Variants in DAG1 observed in about 807,000 individuals in gnomAD.
The protein encoded by DAG1 is dystroglycan 1.
In DAG1, 8 loss-of-function variants were observed where a neutral mutation model predicts 46.1. The ratio of observed to expected loss-of-function variants is 0.17; its 90% CI spans 0.10 to 0.31. The LOEUF (loss-of-function observed/expected upper bound fraction) is 0.31. Ranked by LOEUF, DAG1 falls within the 10% of genes least tolerant of loss-of-function variation. The pLI, the probability that DAG1 is intolerant of heterozygous loss-of-function variation, is 1.00. For missense variants in DAG1, 1,003 were observed against 1,189.9 expected, an observed-to-expected ratio of 0.84 and a Z score of 2.31; for synonymous variants, 495 against 481.8, an observed-to-expected ratio of 1.03 and a Z score of -0.36.
chr3:49,469,004 C>T (rs963199855), upstream of DAG1: 1 of 152,102 alleles, frequency 6.6e-6, no homozygotes, highest in South Asian at 2.1e-4. Flanking sequence ...TTTCTTGTCT[C>T]TGTGAATGAG....
rs926663246 is a variant in DAG1 at position 49,534,874 on chromosome 3, G to C, written c.*1675G>C. ...ATTGAGGGTGGGTGGGTGGACCCAG[G>C]CTCCCTTTGCACACAGAGCAGCTAC... On this transcript the variant is annotated 3_prime_UTR_variant, in exon 3 of 3. Coordinates refer to ENST00000308775, the MANE Select transcript of DAG1 (RefSeq NM_004393.6). The C allele has an allele frequency of 1.3e-5, 2 of 153,896 alleles. No homozygotes were observed. Among genetic ancestry groups the C allele is most frequent in the Non-Finnish European group, 2.9e-5 (2 of 69,082 alleles). 9.5% of individuals were successfully genotyped at this position (153,896 alleles called of 1,614,324 possible). A position where few individuals can be genotyped will look rare whatever the true frequency, so the allele number is the denominator to read the frequency against.
chr3:49,520,303 T>A (rs1020932234), intron 2 of DAG1, among the ~76,000 whole-genome samples: 6 of 152,342 alleles, frequency 3.9e-5, no homozygotes, highest in African/African-American at 1.4e-4. Context: ...ACCCTGAGTG[T>A]GAGTCAGCAC....
chr3:49,501,554 G>C (rs941157027), intron 1 of DAG1, among the ~76,000 whole-genome samples: 3 of 152,216 alleles, frequency 2.0e-5, no homozygotes, highest in African/African-American at 7.2e-5. Context: ...GCTCATACCT[G>C]TAATCCCAGC....
chr3:49,530,893 G>A lies in DAG1; in HGVS notation c.382G>A (p.Val128Met). The change falls in exon 3 of 3, where the codon GTG becomes ATG. Residue 128 changes from valine to methionine, a missense_variant. Physicochemically the swap from Val to Met is conservative, Grantham distance 21 (BLOSUM62 1). Transcript: ENST00000308775. ...EGLPLDTDKG[V>M]HYISVSATRL... ...CCTCCCCCTTGACACTGATAAGGGT[G>A]TGCATTACATTTCAGTGAGCGCTAC... 1 of 1,614,162 alleles carries A rather than the reference G, an allele frequency of 6.2e-7. No individual in the cohort carries two copies. The highest frequency in any genetic ancestry group is 8.5e-7 in the Non-Finnish European group (1 of 1,180,014).
chr3:49,486,450 C>G (rs552415501), intron 1 of DAG1, among the ~76,000 whole-genome samples: 3 of 151,806 alleles, frequency 2.0e-5, no homozygotes, highest in African/African-American at 7.2e-5. Context: ...GATCTCCTGA[C>G]CTTGTGATCC....
intron 1 of DAG1, chr3:49,510,172 G>T: frequency 2.1e-6 from 1 of 478,632 alleles, no homozygotes; most frequent in Non-Finnish European, 3.7e-6. Context: ...AAGTATTAAT[G>T]AGGCATTTTA....
intron 1 of DAG1, among the ~76,000 whole-genome samples, chr3:49,491,315 GTT>G (rs71226763): frequency 2.1e-5 from 3 of 139,626 alleles, no homozygotes; most frequent in Admixed American, 7.2e-5. Context: ...CAGCCAAGTT[GTT>G]TTTTTTTTTT....
Position 49,470,299 on chromosome 3 carries a change from G to C in DAG1, c.-251G>C, listed in dbSNP as rs2049470428. The C allele has an allele frequency of 6.6e-6, 1 of 152,060 alleles. No homozygotes were observed. Among genetic ancestry groups the C allele is most frequent in the Non-Finnish European group, 1.5e-5 (1 of 68,032 alleles). The allele number at this position is 152,060 out of a possible 1,614,324, so 9.4% of individuals were successfully genotyped here. ...GGTACGTGCTCGCGCGAAGGCTGCGGCGCGGCGCTCGCGCCTCTTAGGCTT... is the reference window on the plus strand; with the variant it reads ...GGTACGTGCTCGCGCGAAGGCTGCGCCGCGGCGCTCGCGCCTCTTAGGCTT... On this transcript the variant is annotated 5_prime_UTR_variant, in exon 1 of 3. Coordinates refer to ENST00000308775, the MANE Select transcript of DAG1 (RefSeq NM_004393.6).
In DAG1 at chr3:49,533,201, C is replaced by G; in HGVS notation, c.*2C>G. ...CCTCCTCCCTATGTCCCACCTTAACCCGCAAGCGCCTGGGTGGAGGCAGGG... is the reference window on the plus strand; with the variant it reads ...CCTCCTCCCTATGTCCCACCTTAACGCGCAAGCGCCTGGGTGGAGGCAGGG... On this transcript the variant is annotated 3_prime_UTR_variant, in exon 3 of 3. Transcript: ENST00000308775. The G allele has an allele frequency of 6.2e-7, 1 of 1,611,852 alleles. No individual in the cohort carries two copies. Among genetic ancestry groups the G allele is most frequent in the Non-Finnish European group, 8.5e-7 (1 of 1,179,972 alleles).
At chr3:49,482,519 GC>G (rs2049915212) in intron 1 of DAG1, among the ~76,000 whole-genome samples, 1 of 152,202 alleles carries the variant, frequency 6.6e-6, no homozygotes, top group South Asian at 2.1e-4. Context: ...CAGCAATGCT[GC>G]CTTGTTATTC....
chr3:49,502,638 CTTTTTT>C (rs66475946), intron 1 of DAG1, among the ~76,000 whole-genome samples: 3 of 112,676 alleles, frequency 2.7e-5, no homozygotes, highest in Admixed American at 9.5e-5. Flanking sequence ...CTTTAACTTT[CTTTTTT>C]TTTTTTTTTT....
chr3:49,490,343 ACT>A (rs1294665204), intron 1 of DAG1, among the ~76,000 whole-genome samples: 33 of 147,874 alleles, frequency 2.2e-4, no homozygotes, highest in Non-Finnish European at 7.5e-5. Flanking sequence ...ACAGAGTGAG[ACT>A]CTGTCTCAAA....
Position 49,533,550 on chromosome 3 carries a change from C to T in DAG1, c.*351C>T, listed in dbSNP as rs1043207830. 2 of 476,270 alleles carry T rather than the reference C, an allele frequency of 4.2e-6. No individual in the cohort carries two copies. The highest frequency in any genetic ancestry group is 2.0e-5 in the African/African-American group (1 of 50,626). The allele number at this position is 476,270 out of a possible 1,614,324, so 29.5% of individuals were successfully genotyped here. On this transcript the variant is annotated 3_prime_UTR_variant, in exon 3 of 3. Transcript: ENST00000308775. ...TGAACTCGCAGGCAGTGCCGGGCGG[C>T]CCCCTGGCTCTCTGCGTTTTGCCTT...
chr3:49,490,073 G>C (rs1430754098), intron 1 of DAG1, among the ~76,000 whole-genome samples: 6 of 152,070 alleles, frequency 3.9e-5, no homozygotes, highest in Admixed American at 3.9e-4. Flanking sequence ...TTCCATTTTG[G>C]CTGGGCGCGG....
intron 1 of DAG1, among the ~76,000 whole-genome samples, chr3:49,502,853 G>A (rs553048713): frequency 7.2e-5 from 11 of 152,144 alleles, no homozygotes; most frequent in Middle Eastern, 3.4e-3. Context: ...TGGCCAGGCT[G>A]GTCTCGAACT....
At position 49,533,004 on chromosome 3, in the gene DAG1, C is replaced by T. The variant is rs1334041253; in HGVS notation, c.2493C>T (p.Tyr831=). ...AGGCTCCCCTACCCCCTCCTGAGTA[C>T]CCCAACCAGAGTGTGCCCGAGACCA... is the stretch of plus-strand genomic sequence containing the variant. ...EEKAPLPPPE[Y]PNQSVPETTP... The change falls in exon 3 of 3, where the codon TAC becomes TAT. Residue 831 remains tyrosine, a synonymous_variant. Coordinates refer to ENST00000308775, the MANE Select transcript of DAG1 (RefSeq NM_004393.6). 3 of 1,614,150 alleles carry T rather than the reference C, an allele frequency of 1.9e-6. No individual in the cohort carries two copies. The highest frequency in any genetic ancestry group is 1.1e-5 in the South Asian group (1 of 91,074).
At chr3:49,510,060 TG>T (rs2050719906) in intron 1 of DAG1, among the ~76,000 whole-genome samples, 1 of 152,244 alleles carries the variant, frequency 6.6e-6, no homozygotes, top group Non-Finnish European at 1.5e-5. Flanking sequence ...ATTTATTCTT[TG>T]TTAATACTTA....
chr3:49,526,956 G>T (rs1171567767), intron 2 of DAG1, among the ~76,000 whole-genome samples: 3 of 152,196 alleles, frequency 2.0e-5, no homozygotes, highest in African/African-American at 7.2e-5. Flanking sequence ...TTCGCTGTGG[G>T]AGCCTTCCTA....
rs2051378392 is a variant in DAG1, at chr3:49,532,354, G to A, written c.1843G>A (p.Asp615Asn). The A allele has an allele frequency of 6.2e-7, 1 of 1,614,188 alleles. No individual in the cohort carries two copies. Among genetic ancestry groups the A allele is most frequent in the East Asian group, 2.2e-5 (1 of 44,894 alleles). ...PARFKAKFVG[D>N]PALVLNDIHK... ...AAGGTTCAAGGCCAAGTTTGTGGGT[G>A]ACCCGGCACTGGTGTTGAATGACAT... is the stretch of plus-strand genomic sequence containing the variant. The change falls in exon 3 of 3, where the codon GAC becomes AAC. Residue 615 changes from aspartate to asparagine, a missense_variant. Physicochemically the swap from Asp to Asn is conservative, Grantham distance 23. Transcript: ENST00000308775. This position sits in a 1 kb window ranked among gnomAD's most constrained non-coding sequence, Gnocchi z 5.4.
Sources: gnomAD v4.1 joint callset for allele counts (sites outside exome capture counted in the v4.1 genomes callset) on GRCh38, gnomAD v4.1.1 for gene constraint, Gnocchi (gnomAD v3.1) non-coding constraint, MANE v1.5 for transcripts, NCBI Gene and HGNC (gene_info 2026-07-23, HGNC 2026-07-21) for gene names.